Variants in GRIP1 observed in about 807,000 individuals in gnomAD.
GRIP1 encodes the protein glutamate receptor-interacting protein 1.
Under a neutral mutation model 129.9 loss-of-function variants are expected in GRIP1, and 45 were observed. That is an observed-to-expected ratio of 0.35 (90% CI 0.27 to 0.44). The LOEUF (loss-of-function observed/expected upper bound fraction) is 0.44. GRIP1 is among the 20% of genes least tolerant of loss of function. The probability of loss-of-function intolerance (pLI) is 1.00; values close to 1 mark genes in which losing one functional copy is unlikely to be tolerated. For missense variants in GRIP1, 1,196 were observed against 1,396.8 expected (o/e 0.86, Z 2.29); for synonymous variants, 530 against 520.8 (o/e 1.02, Z -0.24).
At chr12:66,767,287 C>G (rs2037670977) in intron 1 of GRIP1, among the ~76,000 whole-genome samples, 1 of 152,178 alleles carries the variant, frequency 6.6e-6, no homozygotes, top group Non-Finnish European at 1.5e-5. Flanking sequence ...GATGTCTTCT[C>G]TGAGGGATGA....
chr12:66,908,985 C>G (rs983852903), intron 1 of GRIP1, among the ~76,000 whole-genome samples: 1 of 152,200 alleles, frequency 6.6e-6, no homozygotes. Context: ...ACAATGCACC[C>G]AGCACCAAAC....
chr12:66,566,736 G>T (rs1003798450), intron 2 of GRIP1, among the ~76,000 whole-genome samples: 2 of 152,112 alleles, frequency 1.3e-5, no homozygotes, highest in Admixed American at 6.6e-5. Context: ...AAATTCGGCT[G>T]TGAATCCGTC....
intron 16 of GRIP1, among the ~76,000 whole-genome samples, chr12:66,395,836 A>G (rs2056766029): frequency 6.6e-6 from 1 of 152,210 alleles, no homozygotes; most frequent in South Asian, 2.1e-4. Context: ...GCTGGTTCAC[A>G]AGTTTCTTCT....
intron 15 of GRIP1, among the ~76,000 whole-genome samples, chr12:66,406,988 G>A (rs1363925531): frequency 6.6e-6 from 1 of 152,036 alleles, no homozygotes; most frequent in African/African-American, 2.4e-5. Context: ...AACTGGCTGT[G>A]GACCAGGGTA....
chr12:67,028,956 A>G (rs1008805108), intron 1 of GRIP1, among the ~76,000 whole-genome samples: 1 of 152,150 alleles, frequency 6.6e-6, no homozygotes, highest in Non-Finnish European at 1.5e-5. Context: ...GAGATTCATC[A>G]GTATTATAAT....
At chr12:66,885,860 T>C (rs1053454289) in intron 1 of GRIP1, among the ~76,000 whole-genome samples, 1 of 152,072 alleles carries the variant, frequency 6.6e-6, no homozygotes, top group African/African-American at 2.4e-5. Context: ...TACAAGGAAA[T>C]GGGGAAATGG....
At chr12:66,842,705 C>T (rs2039742931) in intron 1 of GRIP1, among the ~76,000 whole-genome samples, 2 of 152,176 alleles carry the variant, frequency 1.3e-5, no homozygotes, top group Non-Finnish European at 2.9e-5. Flanking sequence ...TAAGAAATAA[C>T]ATTTTGCATC....
chr12:66,644,041 C>T (rs1229442665), intron 1 of GRIP1, among the ~76,000 whole-genome samples: 1 of 152,102 alleles, frequency 6.6e-6, no homozygotes, highest in Non-Finnish European at 1.5e-5. Flanking sequence ...AAAGGTACTT[C>T]TTACACGGCA....
chr12:67,007,995 T>C (rs907358805), intron 1 of GRIP1, among the ~76,000 whole-genome samples: 9 of 152,338 alleles, frequency 5.9e-5, no homozygotes, highest in Non-Finnish European at 8.8e-5. Flanking sequence ...CACAGAGTTT[T>C]TGCAGAAATA....
chr12:66,505,898 T>A (rs1315307698), intron 7 of GRIP1, among the ~76,000 whole-genome samples: 1 of 152,134 alleles, frequency 6.6e-6, no homozygotes, highest in Non-Finnish European at 1.5e-5. Context: ...TCAGAACACT[T>A]GAGCAGACCA....
chr12:66,434,405 C>T (rs1175474789), intron 13 of GRIP1, among the ~76,000 whole-genome samples: 1 of 152,176 alleles, frequency 6.6e-6, no homozygotes, highest in African/African-American at 2.4e-5. Flanking sequence ...GGGTTGTCTT[C>T]AGCTAACACT....
chr12:66,881,793 GAC>G (rs2040483465), intron 1 of GRIP1, among the ~76,000 whole-genome samples: 1 of 152,052 alleles, frequency 6.6e-6, no homozygotes, highest in African/African-American at 2.4e-5. Context: ...GGAATAAAAA[GAC>G]ACATAAAAAG....
At chr12:66,969,475 C>T (rs2042041722) in intron 1 of GRIP1, among the ~76,000 whole-genome samples, 1 of 152,178 alleles carries the variant, frequency 6.6e-6, no homozygotes, top group African/African-American at 2.4e-5. Context: ...TAATAGCTAA[C>T]TGCAGCCTCC....
chr12:66,602,895 G>C (rs1186981173), intron 1 of GRIP1, among the ~76,000 whole-genome samples: 1 of 113,112 alleles, frequency 8.8e-6, no homozygotes, highest in Non-Finnish European at 1.6e-5. Flanking sequence ...GTCTCACTCT[G>C]TCACCCTGCC....
At chr12:66,905,884 G>A (rs1272807993) in intron 1 of GRIP1, among the ~76,000 whole-genome samples, 1 of 151,910 alleles carries the variant, frequency 6.6e-6, no homozygotes, top group Non-Finnish European at 1.5e-5. Context: ...CAATGTAATA[G>A]GATAAATATA....
At chr12:66,945,948 T>C (rs771584294) in intron 1 of GRIP1, among the ~76,000 whole-genome samples, 11 of 152,222 alleles carry the variant, frequency 7.2e-5, no homozygotes, top group Non-Finnish European at 1.6e-4. Context: ...TGAGCAGCTA[T>C]TTTTTTCATG....
At chr12:66,353,588 A>G (rs747435818) in intron 23 of GRIP1, 25 bp from the exon 24 acceptor site, 3 of 1,611,054 alleles carry the variant, frequency 1.9e-6, no homozygotes, top group Non-Finnish European at 2.5e-6. Context: ...TGGGATGTGA[A>G]TATTTAGCTG....
intron 1 of GRIP1, among the ~76,000 whole-genome samples, chr12:66,735,639 C>T (rs995705180): frequency 6.6e-6 from 1 of 151,750 alleles, no homozygotes; most frequent in Non-Finnish European, 1.5e-5. Flanking sequence ...ATGGAGGTGA[C>T]AAGAGAGGAG....
chr12:66,536,041 T>C (rs1325146887), intron 4 of GRIP1, among the ~76,000 whole-genome samples: 1 of 152,190 alleles, frequency 6.6e-6, no homozygotes, highest in African/African-American at 2.4e-5. Context: ...TCCTTCCAGC[T>C]GCTCATGCTC....
Sources: allele counts gnomAD v4.1 joint callset (sites outside exome capture counted in the v4.1 genomes callset), GRCh38; gene constraint gnomAD v4.1.1; transcripts MANE v1.5; gene names NCBI Gene and HGNC (gene_info 2026-07-23, HGNC 2026-07-21).